Variants in SHROOM3 observed in about 807,000 individuals in gnomAD.
The protein encoded by SHROOM3 is shroom family member 3, also known as protein Shroom3.
A neutral mutation model predicts 138.6 loss-of-function variants in SHROOM3; 47 were observed. The ratio of observed to expected loss-of-function variants is 0.34; its 90% CI spans 0.27 to 0.43. The LOEUF (loss-of-function observed/expected upper bound fraction) is 0.43, where lower values mean the gene tolerates loss of function less well. Among genes scored for constraint, SHROOM3 ranks in the 20% least tolerant of loss-of-function variants. The probability of loss-of-function intolerance (pLI) is 1.00; values close to 1 mark genes in which losing one functional copy is unlikely to be tolerated. For missense variants in SHROOM3, 2,491 were observed against 2,596.5 expected (o/e 0.96, Z 0.88); for synonymous variants, 1,062 against 1,063.3 (o/e 1.00, Z 0.02).
At chr4:76,533,692 A>G (rs560272960) in intron 1 of SHROOM3, among the ~76,000 whole-genome samples, 2 of 152,374 alleles carry the variant, frequency 1.3e-5, no homozygotes, top group African/African-American at 2.4e-5. Context: ...AGTAATAAGC[A>G]TGTAAAACAC....
chr4:76,500,906 A>T (rs1560525890), intron 1 of SHROOM3, among the ~76,000 whole-genome samples: 1 of 152,224 alleles, frequency 6.6e-6, no homozygotes, highest in East Asian at 1.9e-4. Flanking sequence ...TCCTTGGCTC[A>T]AGAGATCCTC....
intron 2 of SHROOM3, among the ~76,000 whole-genome samples, chr4:76,693,570 A>G (rs1348898482): frequency 2.0e-5 from 3 of 151,680 alleles, no homozygotes; most frequent in Admixed American, 2.0e-4. Flanking sequence ...TATTTTTAGT[A>G]GAGACTGGGT....
intron 9 of SHROOM3, among the ~76,000 whole-genome samples, chr4:76,767,683 A>C (rs1359579035): frequency 6.6e-6 from 1 of 152,104 alleles, no homozygotes; most frequent in African/African-American, 2.4e-5. Context: ...CATCTCAAAA[A>C]AACAAAACAA....
intron 2 of SHROOM3, among the ~76,000 whole-genome samples, chr4:76,588,109 A>T (rs989309420): frequency 6.6e-6 from 1 of 152,188 alleles, no homozygotes; most frequent in Admixed American, 6.5e-5. Context: ...AAGAGGAGAG[A>T]GCTGGTTGAA....
intron 2 of SHROOM3, among the ~76,000 whole-genome samples, chr4:76,685,951 G>A (rs746401011): frequency 2.6e-4 from 39 of 152,282 alleles, no homozygotes; most frequent in Admixed American, 8.5e-4. Flanking sequence ...CAGCCTGGGT[G>A]ACAGAGCGAG....
At chr4:76,743,648 C>T (rs1436431333) in intron 5 of SHROOM3, among the ~76,000 whole-genome samples, 9 of 152,220 alleles carry the variant, frequency 5.9e-5, no homozygotes, top group Admixed American at 5.9e-4. Context: ...AGCTTAAGTG[C>T]ACATCAGACT....
At chr4:76,520,613 C>T (rs934108719) in intron 1 of SHROOM3, among the ~76,000 whole-genome samples, 59 of 152,230 alleles carry the variant, frequency 3.9e-4, no homozygotes, top group African/African-American at 1.4e-3. Context: ...GGCAATTGGG[C>T]TCCTGAGCCT....
intron 1 of SHROOM3, among the ~76,000 whole-genome samples, chr4:76,457,596 A>G (rs1375926318): frequency 2.0e-5 from 3 of 150,656 alleles, no homozygotes; most frequent in Non-Finnish European, 4.4e-5. Flanking sequence ...GGTTCAAGCG[A>G]TTCTCCTGCC....
At chr4:76,619,532 T>C (rs1296835588) in intron 2 of SHROOM3, among the ~76,000 whole-genome samples, 2 of 152,324 alleles carry the variant, frequency 1.3e-5, no homozygotes, top group East Asian at 3.9e-4. Flanking sequence ...GGTCTTTTAT[T>C]CAATTATTTT....
chr4:76,731,011 C>A, intron 4 of SHROOM3, 76 bp downstream of exon 4: 1 of 1,583,616 alleles, frequency 6.3e-7, no homozygotes, highest in Non-Finnish European at 8.6e-7. Context: ...GTTTTCTTCT[C>A]TGTTTTGAGA....
chr4:76,579,811 A>G (rs957283690), intron 2 of SHROOM3, among the ~76,000 whole-genome samples: 2 of 152,242 alleles, frequency 1.3e-5, no homozygotes, highest in Non-Finnish European at 2.9e-5. Flanking sequence ...GCCAACTGAC[A>G]AAGTTATCTT....
chr4:76,463,360 G>C (rs1279055722), intron 1 of SHROOM3, among the ~76,000 whole-genome samples: 1 of 152,214 alleles, frequency 6.6e-6, no homozygotes, highest in African/African-American at 2.4e-5. Context: ...TCAGGAAGTG[G>C]CCTGGCTGCT....
chr4:76,556,789 A>C (rs112567431), intron 2 of SHROOM3, among the ~76,000 whole-genome samples: 2,103 of 152,326 alleles, frequency 0.014, 40 homozygotes, highest in African/African-American at 0.048. Flanking sequence ...AAAGACCTGC[A>C]TTAATTCATT....
chr4:76,699,001 C>T (rs999876962), intron 2 of SHROOM3, among the ~76,000 whole-genome samples: 1 of 152,242 alleles, frequency 6.6e-6, no homozygotes, highest in African/African-American at 2.4e-5. Flanking sequence ...ACCATCCTGT[C>T]ACCCTCCCCA....
chr4:76,651,445 T>TATATATATATATA (rs1735960605), intron 2 of SHROOM3, among the ~76,000 whole-genome samples: 1 of 91,568 alleles, frequency 1.1e-5, no homozygotes, highest in Non-Finnish European at 2.2e-5. Flanking sequence ...TATATATATA[T>TATATATATATATA]ACCTACTATG....
chr4:76,469,810 A>G (rs1051810960), intron 1 of SHROOM3, among the ~76,000 whole-genome samples: 2 of 152,182 alleles, frequency 1.3e-5, no homozygotes, highest in African/African-American at 4.8e-5. Context: ...GGTCAGGAAA[A>G]AAGTCTGGTA....
chr4:76,553,286 T>A (rs1028669834), intron 1 of SHROOM3, among the ~76,000 whole-genome samples: 5 of 151,788 alleles, frequency 3.3e-5, no homozygotes, highest in Non-Finnish European at 7.4e-5. Context: ...TATTTATTTA[T>A]TTTTTTTGAG....
At chr4:76,776,204 T>G (rs987169546) in intron 10 of SHROOM3, among the ~76,000 whole-genome samples, 1 of 152,166 alleles carries the variant, frequency 6.6e-6, no homozygotes, top group African/African-American at 2.4e-5. Flanking sequence ...TTGATTTGCA[T>G]TTCCCTGATA....
At chr4:76,770,961 G>A (rs932624724) in intron 10 of SHROOM3, 63 bp downstream of exon 10, 28 of 1,582,686 alleles carry the variant, frequency 1.8e-5, no homozygotes, top group East Asian at 8.9e-5. Flanking sequence ...ATAGAGAGGC[G>A]CCATTAGACG....
Sources: gnomAD v4.1 joint callset for allele counts (sites outside exome capture counted in the v4.1 genomes callset) on GRCh38, gnomAD v4.1.1 for gene constraint, MANE v1.5 for transcripts, NCBI Gene and HGNC (gene_info 2026-07-23, HGNC 2026-07-21) for gene names.